The following ANO6 variants were observed in gnomAD, a reference collection of about 807,000 sequenced individuals.
The protein encoded by ANO6 is anoctamin 6.
A neutral mutation model predicts 117.5 loss-of-function variants in ANO6; 106 were observed. The ratio of observed to expected loss-of-function variants is 0.90; its 90% CI spans 0.77 to 1.06. The LOEUF (loss-of-function observed/expected upper bound fraction) is 1.06, where lower values mean the gene tolerates loss of function less well. Among genes scored for constraint, ANO6 ranks in the 50% least tolerant of loss-of-function variants. The pLI is 0.00. For missense variants in ANO6, 955 were observed against 1,121.1 expected, an observed-to-expected ratio of 0.85 and a Z score of 2.12; for synonymous variants, 367 against 385.1, an observed-to-expected ratio of 0.95 and a Z score of 0.55.
At chr12:45,373,208 AAG>A (rs1454213582) in intron 9 of ANO6, among the ~76,000 whole-genome samples, 1 of 152,238 alleles carries the variant, frequency 6.6e-6, no homozygotes, top group Non-Finnish European at 1.5e-5. Context: ...CCAGATCATA[AAG>A]CAAGTCCTGA....
intron 9 of ANO6, among the ~76,000 whole-genome samples, chr12:45,374,757 G>A (rs1235470769): frequency 2.6e-5 from 4 of 151,112 alleles, no homozygotes; most frequent in African/African-American, 4.9e-5. Context: ...ATACTGAATG[G>A]GCAAAAACTG....
intron 1 of ANO6, among the ~76,000 whole-genome samples, chr12:45,247,159 C>G (rs1947838478): frequency 6.6e-6 from 1 of 152,154 alleles, no homozygotes; most frequent in African/African-American, 2.4e-5. Flanking sequence ...CTCCTGACTT[C>G]AAGTGATCTG....
chr12:45,298,064 T>C (rs919844519), intron 1 of ANO6, among the ~76,000 whole-genome samples: 8 of 152,208 alleles, frequency 5.3e-5, no homozygotes, highest in Non-Finnish European at 1.2e-4. Context: ...GCACTTTCAT[T>C]GTGCATCCAT....
intron 2 of ANO6, among the ~76,000 whole-genome samples, chr12:45,313,881 C>A (rs1939928849): frequency 6.6e-6 from 1 of 152,066 alleles, no homozygotes; most frequent in African/African-American, 2.4e-5. Context: ...CTATTAGCTT[C>A]ACTAAATTTT....
At chr12:45,234,027 G>A (rs1035001226) in intron 1 of ANO6, among the ~76,000 whole-genome samples, 2 of 152,192 alleles carry the variant, frequency 1.3e-5, no homozygotes, top group Non-Finnish European at 2.9e-5. Context: ...ATAGGTAGCA[G>A]ACTAACAATC....
At position 45,438,251 on chromosome 12, in the gene ANO6, A is replaced by ATGTGTGTGTGTG. The variant is rs58453929; in HGVS notation, c.2527-1410_2527-1399dup. ...CCACATTCAGCACATATTTGCGTGT[A>ATGTGTGTGTGTG]TGTGTGTGTGTGTGTGTGTGTGTGT... is the stretch of plus-strand genomic sequence containing the variant. On this transcript the variant is annotated intron_variant, in intron 19 of 19. Coordinates refer to the ANO6 transcript ENST00000425752. Among the ~76,000 whole-genome samples the ATGTGTGTGTGTG allele has an allele frequency of 2.0e-5, 3 of 146,742 alleles. No homozygotes were observed. In the East Asian group the frequency reaches 5.9e-4, roughly 29 times the overall value.
At chr12:45,257,136 C>T (rs947208999) in intron 1 of ANO6, among the ~76,000 whole-genome samples, 1 of 152,180 alleles carries the variant, frequency 6.6e-6, no homozygotes, top group Non-Finnish European at 1.5e-5. Context: ...CTTGGCGTGC[C>T]TGCTTCGTCT....
Position 45,364,875 on chromosome 12 carries a change from AT to A in ANO6, c.999-2809del, listed in dbSNP as rs1238537678. On this transcript the variant is annotated intron_variant, in intron 8 of 19. Transcript: ENST00000320560. ...TGTAATTTTACATTGAGAACTGGACATTTTAAGTATTATAATGTAGCAAATC... is the reference window on the plus strand; with the variant it reads ...TGTAATTTTACATTGAGAACTGGACATTTAAGTATTATAATGTAGCAAATC... Among the ~76,000 whole-genome samples, 3 of 152,318 alleles carry A rather than the reference AT, an allele frequency of 2.0e-5. No individual in the cohort carries two copies. In the East Asian group the frequency reaches 5.8e-4, roughly 29 times the overall value.
chr12:45,431,807 T>C lies in ANO6; in HGVS notation c.*2496T>C. 1.0e-6 allele frequency: 1 copy of C among 985,496 alleles called. No individual in the cohort carries two copies. The highest frequency in any genetic ancestry group is 1.2e-6 in the Non-Finnish European group (1 of 829,944). The allele number at this position is 985,496 out of a possible 1,614,324, so 61.0% of individuals were successfully genotyped here. ...AGTGGACCTGTGAAGAGGGAGAATC[T>C]AGCCTTCAGCCTGTCCAGTGTTAAC... On this transcript the variant is annotated 3_prime_UTR_variant, in exon 20 of 20. Transcript: ENST00000320560.
At chr12:45,261,823 G>A (rs1230502210) in intron 1 of ANO6, among the ~76,000 whole-genome samples, 1 of 152,108 alleles carries the variant, frequency 6.6e-6, no homozygotes, top group Non-Finnish European at 1.5e-5. Flanking sequence ...GCATACTTAC[G>A]GTGCATCACA....
chr12:45,239,158 A>G (rs1947696967), intron 1 of ANO6, among the ~76,000 whole-genome samples: 1 of 152,164 alleles, frequency 6.6e-6, no homozygotes, highest in South Asian at 2.1e-4. Context: ...TTGGCTGTGA[A>G]TCCATCTGGT....
chr12:45,293,153 A>G (rs1439657064), intron 1 of ANO6, among the ~76,000 whole-genome samples: 1 of 152,226 alleles, frequency 6.6e-6, no homozygotes, highest in Non-Finnish European at 1.5e-5. Flanking sequence ...AAGCAATTAC[A>G]TTTTGAGGAA....
chr12:45,330,601 A>G (rs1357842745), intron 2 of ANO6, among the ~76,000 whole-genome samples: 5 of 152,122 alleles, frequency 3.3e-5, no homozygotes, highest in Admixed American at 2.6e-4. Context: ...CTGTTCTGCC[A>G]TCATTTCCTT....
chr12:45,425,280 A>T (rs1943473153), intron 19 of ANO6, among the ~76,000 whole-genome samples: 1 of 152,190 alleles, frequency 6.6e-6, no homozygotes, highest in Non-Finnish European at 1.5e-5. Flanking sequence ...TATCACAGGG[A>T]GATAAGAAAA....
intron 1 of ANO6, among the ~76,000 whole-genome samples, chr12:45,300,611 T>C (rs1436385074): frequency 6.6e-6 from 1 of 152,230 alleles, no homozygotes; most frequent in African/African-American, 2.4e-5. Context: ...TTATGTCCTT[T>C]AGGGCTCTTT....
At chr12:45,330,255 AAT>A (rs1342815914) in intron 2 of ANO6, among the ~76,000 whole-genome samples, 2 of 152,178 alleles carry the variant, frequency 1.3e-5, no homozygotes, top group Non-Finnish European at 2.9e-5. Context: ...AGTATCAAAA[AAT>A]ATGTTTTCAA....
intron 2 of ANO6, among the ~76,000 whole-genome samples, chr12:45,327,827 A>G (rs902364352): frequency 2.0e-5 from 3 of 152,068 alleles, no homozygotes; most frequent in Non-Finnish European, 4.4e-5. Flanking sequence ...TGTTGAGTAT[A>G]TATTTTATCA....
intron 12 of ANO6, among the ~76,000 whole-genome samples, chr12:45,394,386 C>A (rs1406726110): frequency 2.0e-5 from 3 of 152,174 alleles, no homozygotes; most frequent in Admixed American, 2.0e-4. Context: ...TAGACTCCCA[C>A]ACAATAATCA....
At chr12:45,371,493 C>A (rs1216122935) in intron 9 of ANO6, among the ~76,000 whole-genome samples, 1 of 151,578 alleles carries the variant, frequency 6.6e-6, no homozygotes, top group Non-Finnish European at 1.5e-5. Context: ...AGTGGTTCTC[C>A]CAGCACGCAG....
Sources: gnomAD v4.1 joint callset for allele counts (sites outside exome capture counted in the v4.1 genomes callset) on GRCh38, gnomAD v4.1.1 for gene constraint, MANE v1.5 for transcripts, NCBI Gene and HGNC (gene_info 2026-07-23, HGNC 2026-07-21) for gene names.